ARHGAP17: variants seen among roughly 807,000 people sequenced by gnomAD.
ARHGAP17 encodes rho GTPase-activating protein 17.
A neutral mutation model predicts 99.5 loss-of-function variants in ARHGAP17; 57 were observed. The observed-to-expected ratio is 0.57, with a 90% CI of 0.46 to 0.71. The LOEUF (loss-of-function observed/expected upper bound fraction) is 0.71, where lower values mean the gene tolerates loss of function less well. Among genes scored for constraint, ARHGAP17 ranks in the 30% least tolerant of loss-of-function variants. ARHGAP17 has a pLI of 0.00. For synonymous variants in ARHGAP17, 417 were observed against 429.6 expected (o/e 0.97, Z 0.36); for missense variants, 1,000 against 1,122.4 (o/e 0.89, Z 1.56).
rs1391820038 is a variant in ARHGAP17, at chr16:24,941,706, CATGTGT to C, written c.1490+275_1490+280del. 2.4e-5 allele frequency: 10 copies of C among 414,722 alleles called. No individual in the cohort carries two copies. In the East Asian group the frequency reaches 4.6e-4, roughly 19 times the overall value. The allele number at this position is 414,722 out of a possible 1,614,324, so 25.7% of individuals were successfully genotyped here. Reference sequence around the variant, plus strand: ...TCACGTACATCTGGGTCACTTTTAACATGTGTATGATGCCGTTCCACTGCAGGGCTT... The same window carrying C: ...TCACGTACATCTGGGTCACTTTTAACATGATGCCGTTCCACTGCAGGGCTT... On this transcript the variant is annotated intron_variant, in intron 16 of 19. Coordinates refer to ENST00000289968, the MANE Select transcript of ARHGAP17 (RefSeq NM_001006634.3).
At chr16:24,963,457 TAAAA>T (rs1233364336) in intron 7 of ARHGAP17, among the ~76,000 whole-genome samples, 1 of 152,032 alleles carries the variant, frequency 6.6e-6, no homozygotes, top group Non-Finnish European at 1.5e-5. Context: ...TAGCAGGAAA[TAAAA>T]AAACAATTTT....
chr16:24,963,631 G>C (rs2052081471), intron 7 of ARHGAP17, among the ~76,000 whole-genome samples: 1 of 152,170 alleles, frequency 6.6e-6, no homozygotes, highest in African/African-American at 2.4e-5. Context: ...GGTGGATGCA[G>C]AGAGAATGAG....
chr16:25,012,138 T>C (rs1229416506), intron 1 of ARHGAP17, among the ~76,000 whole-genome samples: 2 of 152,174 alleles, frequency 1.3e-5, no homozygotes, highest in Non-Finnish European at 2.9e-5. Context: ...CAAGTGTCTG[T>C]TGAATGCATG....
chr16:24,984,283 T>C (rs1322925923), intron 1 of ARHGAP17, among the ~76,000 whole-genome samples: 1 of 152,126 alleles, frequency 6.6e-6, no homozygotes, highest in Non-Finnish European at 1.5e-5. Context: ...TCCTCCTCCC[T>C]GCTAGACAGC....
chr16:25,010,084 T>C (rs1260685380), intron 1 of ARHGAP17, among the ~76,000 whole-genome samples: 1 of 149,074 alleles, frequency 6.7e-6, no homozygotes, highest in Non-Finnish European at 1.5e-5. Flanking sequence ...TTTTTTTTCT[T>C]TTTTTTTTTG....
chr16:25,001,894 A>G (rs7192886), intron 1 of ARHGAP17, among the ~76,000 whole-genome samples: 76,550 of 151,912 alleles, frequency 0.5, 21,072 homozygotes, highest in African/African-American at 0.74. Context: ...GACCAATCTG[A>G]CCAAAGCGAA....
chr16:24,931,423 A>C lies in ARHGAP17; in HGVS notation c.1895-19T>G. On this transcript the variant is annotated intron_variant, in intron 18 of 19. Coordinates refer to ENST00000289968, the MANE Select transcript of ARHGAP17 (RefSeq NM_001006634.3). ...TTAACAGCTGCACAAAAAGAGAAAA[A>C]ACACCTTTCAGTAGGAACAGTGAGG... The C allele has an allele frequency of 6.7e-7, 1 of 1,497,708 alleles. No individual in the cohort carries two copies. Among genetic ancestry groups the C allele is most frequent in the Non-Finnish European group, 8.9e-7 (1 of 1,126,756 alleles). 92.8% of individuals were successfully genotyped at this position (1,497,708 alleles called of 1,614,324 possible).
At chr16:25,006,666 A>G (rs2053515821) in intron 1 of ARHGAP17, among the ~76,000 whole-genome samples, 1 of 152,190 alleles carries the variant, frequency 6.6e-6, no homozygotes, top group Non-Finnish European at 1.5e-5. Flanking sequence ...TGTTGCAACT[A>G]TTCAACCCTG....
chr16:24,984,191 G>C (rs1378158260), intron 1 of ARHGAP17, among the ~76,000 whole-genome samples: 1 of 152,124 alleles, frequency 6.6e-6, no homozygotes, highest in East Asian at 1.9e-4. Context: ...ATGGGAGCCA[G>C]GGACTCCCAA....
chr16:24,982,976 A>ATATATATATATATATATT (rs2052722272), intron 1 of ARHGAP17, among the ~76,000 whole-genome samples: 4 of 20,250 alleles, frequency 2.0e-4, no homozygotes, highest in African/African-American at 7.1e-4. Context: ...ATATATATAT[A>ATATATATATATATATATT]TATATATATA....
chr16:24,920,547 G>A, intron 19 of ARHGAP17: 1 of 327,060 alleles, frequency 3.1e-6, no homozygotes. Context: ...CTTTGATGGA[G>A]GAAAGGAAGC....
intron 17 of ARHGAP17, among the ~76,000 whole-genome samples, chr16:24,937,631 A>T (rs2152454951): frequency 6.6e-6 from 1 of 152,296 alleles, no homozygotes; most frequent in East Asian, 1.9e-4. Context: ...AATTTTTTTT[A>T]ACCCCAAAGT....
At chr16:24,939,342 C>A in intron 17 of ARHGAP17, 22 bp downstream of exon 17, 1 of 1,569,236 alleles carries the variant, frequency 6.4e-7, no homozygotes, top group East Asian at 2.2e-5. Context: ...CCTCCACTGC[C>A]AGCAGAAGTC....
intron 2 of ARHGAP17, among the ~76,000 whole-genome samples, chr16:24,977,912 C>T (rs1436831341): frequency 2.0e-5 from 3 of 152,164 alleles, no homozygotes; most frequent in African/African-American, 7.2e-5. Flanking sequence ...TGAGAGCAGG[C>T]CCTTTGGGAT....
At position 24,943,857 on chromosome 16, in the gene ARHGAP17, A is replaced by G. The variant is rs749305131; in HGVS notation, c.1247T>C (p.Leu416Pro). 1.2e-6 allele frequency: 2 copies of G among 1,614,048 alleles called. No individual in the cohort carries two copies. The highest frequency in any genetic ancestry group is 1.3e-5 in the African/African-American group (1 of 74,944). Residue 416 changes from leucine to proline, a missense_variant, in exon 15 of 20, where the codon CTT (leucine) becomes CCT (proline). Leu to Pro is a moderately conservative substitution (Grantham distance 98). This residue lies in a region of ARHGAP17 where 472 missense variants were observed against 611.1 expected (regional missense o/e 0.77). Transcript: ENST00000289968. ...NLLWARNEGT[L>P]AEMAAATSVH... ...GGATGTGGCTGCTGCCATTTCAGCA[A>G]GTGTTCTGCAAAGCAAGTTCACAAA...
chr16:24,924,878 T>TA (rs754997493), intron 19 of ARHGAP17, among the ~76,000 whole-genome samples: 93 of 145,438 alleles, frequency 6.4e-4, no homozygotes, highest in African/African-American at 1.0e-3. Flanking sequence ...TAAAAAAAAA[T>TA]AAAAAAAAAA....
intron 3 of ARHGAP17, among the ~76,000 whole-genome samples, chr16:24,973,615 A>T (rs1357750956): frequency 2.0e-5 from 3 of 152,206 alleles, no homozygotes; most frequent in Non-Finnish European, 4.4e-5. Flanking sequence ...TATAGGGCAG[A>T]CACCACCTCC....
At position 24,964,210 on chromosome 16, in the gene ARHGAP17, A is replaced by G. The variant is rs1200299650; in HGVS notation, c.560T>C (p.Val187Ala). 6.2e-7 allele frequency: 1 copy of G among 1,611,398 alleles called. No homozygotes were observed. Among genetic ancestry groups the G allele is most frequent in the East Asian group, 2.2e-5 (1 of 44,832 alleles). The change falls in exon 7 of 20, where the codon GTA becomes GCA. Residue 187 changes from valine to alanine, a missense_variant. Val to Ala is a moderately conservative substitution (Grantham distance 64). This residue lies in a region of ARHGAP17 where 472 missense variants were observed against 611.1 expected (regional missense o/e 0.77). Transcript: ENST00000289968. ...GAATTCTCATACCTTGCACTGTTCT[A>G]CTTTATTTCCAGCTTCATCCATCTC... ...KEEMDEAGNK[V>A]EQCKDQLAAD...
intron 1 of ARHGAP17, among the ~76,000 whole-genome samples, chr16:25,012,254 C>T (rs146693387): frequency 3.3e-5 from 5 of 152,226 alleles, no homozygotes; most frequent in African/African-American, 9.6e-5. Flanking sequence ...AGTTTCAGGC[C>T]GTCTTCTCAA....
Sources: allele counts gnomAD v4.1 joint callset (sites outside exome capture counted in the v4.1 genomes callset), GRCh38; gene constraint gnomAD v4.1.1; regional missense constraint gnomAD v4.1.1; transcripts MANE v1.5; gene names NCBI Gene and HGNC (gene_info 2026-07-23, HGNC 2026-07-21).